Variants in CPQ observed in about 807,000 individuals in gnomAD.
CPQ encodes carboxypeptidase Q.
CPQ carries 37 observed loss-of-function variants against 45.7 expected under a neutral mutation model. The observed-to-expected ratio is 0.81, with a 90% CI of 0.62 to 1.07. The LOEUF (loss-of-function observed/expected upper bound fraction) is 1.07. Among genes scored for constraint, CPQ ranks in the 50% least tolerant of loss-of-function variants. CPQ has a pLI of 0.00. For synonymous variants in CPQ, 186 were observed against 205.8 expected (o/e 0.90, Z 0.82); for missense variants, 537 against 572.9 (o/e 0.94, Z 0.64).
chr8:97,018,488 A>AATG (rs1402670851), intron 5 of CPQ, among the ~76,000 whole-genome samples: 1 of 152,230 alleles, frequency 6.6e-6, no homozygotes, highest in Admixed American at 6.5e-5. Context: ...AATCCAAAAA[A>AATG]ATGATACAAG....
At chr8:96,687,304 A>G (rs1034971454) in intron 1 of CPQ, among the ~76,000 whole-genome samples, 1 of 151,402 alleles carries the variant, frequency 6.6e-6, no homozygotes, top group Admixed American at 6.6e-5. Context: ...CCTCCGCCTC[A>G]TAGATTAAAG....
intron 4 of CPQ, among the ~76,000 whole-genome samples, chr8:96,941,080 C>T (rs563164159): frequency 6.6e-6 from 1 of 152,208 alleles, no homozygotes; most frequent in Admixed American, 6.5e-5. Context: ...AATGAAAACA[C>T]AGGGGCTTAC....
intron 4 of CPQ, among the ~76,000 whole-genome samples, chr8:96,964,173 TACACACACACACACACACAC>T (rs71267285): frequency 0.084 from 11,222 of 133,440 alleles, 594 homozygotes; most frequent in South Asian, 0.12. Context: ...GGTTAAAGTA[TACACACACACACACACACAC>T]ACACACACAC....
chr8:96,962,008 ATC>A (rs1199756183), intron 4 of CPQ, among the ~76,000 whole-genome samples: 1 of 152,112 alleles, frequency 6.6e-6, no homozygotes, highest in Non-Finnish European at 1.5e-5. Flanking sequence ...CTGTCTGCAC[ATC>A]TTTGATTTCG....
chr8:96,707,663 TAATGAATGAATG>T (rs200941319), intron 1 of CPQ, among the ~76,000 whole-genome samples: 36 of 151,906 alleles, frequency 2.4e-4, no homozygotes, highest in African/African-American at 7.5e-4. Flanking sequence ...AATTTCATTT[TAATGAATGAATG>T]AATGAATGAA....
chr8:97,096,514 A>G (rs2513360), intron 7 of CPQ, among the ~76,000 whole-genome samples: 104,853 of 152,132 alleles, frequency 0.69, 36,420 homozygotes, highest in African/African-American at 0.74. Flanking sequence ...ACGTACAACT[A>G]CTATAAAAAT....
chr8:97,101,975 T>C (rs1490404699), intron 7 of CPQ, among the ~76,000 whole-genome samples: 5 of 149,220 alleles, frequency 3.4e-5, no homozygotes, highest in African/African-American at 9.9e-5. Context: ...TCTCTCTCTC[T>C]CTCCTGATAG....
At chr8:97,006,351 C>T (rs1049973933) in intron 5 of CPQ, among the ~76,000 whole-genome samples, 2 of 151,818 alleles carry the variant, frequency 1.3e-5, no homozygotes, top group African/African-American at 2.4e-5. Flanking sequence ...TATACAAACC[C>T]GACCCAAAAA....
intron 4 of CPQ, among the ~76,000 whole-genome samples, chr8:96,891,843 G>C (rs1032567389): frequency 1.3e-5 from 2 of 152,168 alleles, no homozygotes; most frequent in Non-Finnish European, 2.9e-5. Flanking sequence ...TGCTTCTATA[G>C]GGGCTCATTT....
intron 6 of CPQ, among the ~76,000 whole-genome samples, chr8:97,033,201 G>A (rs141696741): frequency 1.3e-5 from 2 of 152,174 alleles, no homozygotes; most frequent in African/African-American, 4.8e-5. Flanking sequence ...AGAAATAAAA[G>A]GTGTGAACTT....
At chr8:96,774,253 A>G (rs932808613) in intron 1 of CPQ, among the ~76,000 whole-genome samples, 2 of 151,916 alleles carry the variant, frequency 1.3e-5, no homozygotes, top group Non-Finnish European at 2.9e-5. Flanking sequence ...CCTGGGTGAC[A>G]GAGCGAGACT....
intron 4 of CPQ, among the ~76,000 whole-genome samples, chr8:96,964,173 TACACACACACACACAC>T (rs71267285): frequency 3.9e-4 from 52 of 133,460 alleles, no homozygotes; most frequent in South Asian, 1.8e-3. Flanking sequence ...GGTTAAAGTA[TACACACACACACACAC>T]ACACACACAC....
Position 97,137,043 on chromosome 8 carries a change from G to C in CPQ, c.1256-5977G>C, listed in dbSNP as rs548345084. 3.9e-5 allele frequency among the ~76,000 whole-genome samples: 6 copies of C among 152,268 alleles called. No individual in the cohort carries two copies. The East Asian group carries it at 1.2e-3, about 29-fold the overall frequency. ...CAAGCCAGCCAGCGGGCCCACCCTG[G>C]TATCTCCTGCAGTTATCAGCATTCT... is the stretch of plus-strand genomic sequence containing the variant. On this transcript the variant is annotated intron_variant, in intron 7 of 7. Coordinates refer to ENST00000220763, the MANE Select transcript of CPQ (RefSeq NM_016134.4).
chr8:96,986,255 T>C lies in CPQ; in HGVS notation c.961+20209T>C, dbSNP rs547323169. On this transcript the variant is annotated intron_variant, in intron 5 of 7. Coordinates refer to ENST00000220763, the MANE Select transcript of CPQ (RefSeq NM_016134.4). ...GCACAAGGAGTATCATACAAAACTC[T>C]CTTGTTGCCACCCTTGACAAATGAC... 2.6e-5 allele frequency among the ~76,000 whole-genome samples: 4 copies of C among 152,288 alleles called. No individual in the cohort carries two copies. The East Asian group carries it at 7.7e-4, about 29-fold the overall frequency.
At chr8:96,650,237 G>A (rs1815562587) in intron 1 of CPQ, among the ~76,000 whole-genome samples, 1 of 152,130 alleles carries the variant, frequency 6.6e-6, no homozygotes, top group South Asian at 2.1e-4. Context: ...AAGAGTAACA[G>A]GGAAAATAAG....
intron 7 of CPQ, among the ~76,000 whole-genome samples, chr8:97,097,116 T>C (rs1811222220): frequency 6.6e-6 from 1 of 152,228 alleles, no homozygotes; most frequent in African/African-American, 2.4e-5. Flanking sequence ...AACTTGACCT[T>C]GACCCTTCTG....
At chr8:96,648,722 A>G (rs1815544229) in intron 1 of CPQ, among the ~76,000 whole-genome samples, 1 of 152,132 alleles carries the variant, frequency 6.6e-6, no homozygotes, top group African/African-American at 2.4e-5. Flanking sequence ...GGAACTCAGG[A>G]AGACTTTGCA....
intron 5 of CPQ, among the ~76,000 whole-genome samples, chr8:96,974,391 A>T (rs73279887): frequency 5.3e-5 from 8 of 152,180 alleles, no homozygotes; most frequent in African/African-American, 1.9e-4. Flanking sequence ...ATTAGACCTA[A>T]GTAGTGAGAT....
intron 2 of CPQ, among the ~76,000 whole-genome samples, chr8:96,830,994 C>A (rs1486006567): frequency 6.6e-6 from 1 of 152,164 alleles, no homozygotes; most frequent in Non-Finnish European, 1.5e-5. Flanking sequence ...GTTATGTGAA[C>A]TTTCTTCTCT....
Sources: allele counts gnomAD v4.1 joint callset (sites outside exome capture counted in the v4.1 genomes callset), GRCh38; gene constraint gnomAD v4.1.1; transcripts MANE v1.5; gene names NCBI Gene and HGNC (gene_info 2026-07-23, HGNC 2026-07-21).